Variants in CACNA2D3 observed in about 807,000 individuals in gnomAD.
The protein encoded by CACNA2D3 is calcium voltage-gated channel auxiliary subunit alpha2delta 3.
In CACNA2D3, 60 loss-of-function variants were observed where a neutral mutation model predicts 160.6. The observed-to-expected ratio is 0.37, with a 90% CI of 0.30 to 0.46. The LOEUF (loss-of-function observed/expected upper bound fraction) is 0.46, where lower values mean the gene tolerates loss of function less well. CACNA2D3 is among the 20% of genes least tolerant of loss of function. The pLI is 1.00. For synonymous variants in CACNA2D3, 558 were observed against 492.9 expected (o/e 1.13, Z -1.75); for missense variants, 1,205 against 1,365.0 (o/e 0.88, Z 1.85).
chr3:54,827,757 GCCTTCTTTACTC>G (rs1703778724), intron 14 of CACNA2D3, among the ~76,000 whole-genome samples: 1 of 152,148 alleles, frequency 6.6e-6, no homozygotes, highest in Non-Finnish European at 1.5e-5. Flanking sequence ...AATTTTCTCT[GCCTTCTTTACTC>G]CCTGGGCCTC....
At chr3:54,393,411 G>A (rs1189344726) in intron 4 of CACNA2D3, among the ~76,000 whole-genome samples, 1 of 152,174 alleles carries the variant, frequency 6.6e-6, no homozygotes, top group Non-Finnish European at 1.5e-5. Flanking sequence ...TGGAGTGTGT[G>A]TCTGGCTCTG....
chr3:54,537,472 C>T (rs868217316), intron 5 of CACNA2D3, among the ~76,000 whole-genome samples: 4 of 152,088 alleles, frequency 2.6e-5, no homozygotes, highest in Non-Finnish European at 5.9e-5. Context: ...TCAGTGAACA[C>T]TTACTATGGG....
At chr3:54,622,141 A>C (rs571994430) in intron 9 of CACNA2D3, among the ~76,000 whole-genome samples, 10 of 152,200 alleles carry the variant, frequency 6.6e-5, no homozygotes, top group South Asian at 2.1e-4. Context: ...CCCACTACTC[A>C]GGTGCTTTCC....
intron 4 of CACNA2D3, among the ~76,000 whole-genome samples, chr3:54,464,335 G>T (rs1366048723): frequency 6.6e-6 from 1 of 152,182 alleles, no homozygotes; most frequent in Non-Finnish European, 1.5e-5. Context: ...GTCTGCAGAG[G>T]TTACTGCTGT....
At chr3:54,918,379 G>T in intron 27 of CACNA2D3, 3 of 508,444 alleles carry the variant, frequency 5.9e-6, no homozygotes, top group South Asian at 4.3e-5. Flanking sequence ...AGCAAAATCA[G>T]ACTAACAGGA....
At chr3:54,500,919 C>G (rs1157653351) in intron 4 of CACNA2D3, among the ~76,000 whole-genome samples, 1 of 152,148 alleles carries the variant, frequency 6.6e-6, no homozygotes, top group African/African-American at 2.4e-5. Flanking sequence ...AATTTATTTT[C>G]TCACAGTTCT....
intron 2 of CACNA2D3, among the ~76,000 whole-genome samples, chr3:54,226,718 G>A (rs970405322): frequency 6.6e-6 from 1 of 152,106 alleles, no homozygotes; most frequent in Middle Eastern, 3.2e-3. Flanking sequence ...CGAAAGCTCT[G>A]TTCAGCTTCT....
chr3:54,588,426 A>G (rs187725958), intron 9 of CACNA2D3, among the ~76,000 whole-genome samples: 19 of 152,310 alleles, frequency 1.2e-4, no homozygotes, highest in African/African-American at 4.6e-4. Flanking sequence ...GGATGTCCAC[A>G]CTGACATTTG....
chr3:54,634,462 T>G (rs1440840806), intron 10 of CACNA2D3: 1 of 152,272 alleles, frequency 6.6e-6, no homozygotes, highest in Non-Finnish European at 1.5e-5. Flanking sequence ...CTTATTTACC[T>G]TGTTTTTGTA....
At chr3:54,829,145 A>C (rs922330456) in intron 14 of CACNA2D3, among the ~76,000 whole-genome samples, 1 of 152,230 alleles carries the variant, frequency 6.6e-6, no homozygotes, top group African/African-American at 2.4e-5. Context: ...GGCAGAATCA[A>C]TACTGTGGTC....
intron 2 of CACNA2D3, among the ~76,000 whole-genome samples, chr3:54,289,613 C>T (rs114041249): frequency 0.019 from 2,874 of 152,206 alleles, 90 homozygotes; most frequent in African/African-American, 0.065. Context: ...AATCCTACGC[C>T]GAAAGAACAA....
At chr3:54,380,454 G>A (rs183477349) in intron 3 of CACNA2D3, among the ~76,000 whole-genome samples, 21 of 152,310 alleles carry the variant, frequency 1.4e-4, no homozygotes, top group African/African-American at 5.1e-4. Context: ...TAAAACAAAA[G>A]CCAGCCGGGT....
intron 4 of CACNA2D3, among the ~76,000 whole-genome samples, chr3:54,439,728 A>AGGCTT (rs1264773236): frequency 3.3e-5 from 5 of 152,028 alleles, no homozygotes; most frequent in African/African-American, 9.7e-5. Context: ...GTCACAGAGG[A>AGGCTT]GGCTTGCCCT....
At chr3:54,178,997 A>AGTTGG (rs1271530135) in intron 2 of CACNA2D3, among the ~76,000 whole-genome samples, 1 of 151,960 alleles carries the variant, frequency 6.6e-6, no homozygotes, top group African/African-American at 2.4e-5. Context: ...TATTGATGTG[A>AGTTGG]GTTGGTGGCT....
intron 16 of CACNA2D3, among the ~76,000 whole-genome samples, chr3:54,844,896 C>A (rs1441390236): frequency 2.0e-5 from 3 of 152,162 alleles, no homozygotes; most frequent in East Asian, 3.9e-4. Flanking sequence ...TTTGAATTCC[C>A]AAATACAATT....
intron 27 of CACNA2D3, chr3:54,918,176 C>T: frequency 3.2e-6 from 1 of 315,472 alleles, no homozygotes; most frequent in South Asian, 5.3e-5. Flanking sequence ...GGCATCTTCC[C>T]TTTCTCTGTG....
chr3:54,729,569 A>G (rs1701345254), intron 11 of CACNA2D3, among the ~76,000 whole-genome samples: 1 of 152,338 alleles, frequency 6.6e-6, no homozygotes, highest in East Asian at 1.9e-4. Context: ...TTGTCGATGA[A>G]CTAGCACAGA....
At chr3:54,356,875 T>C (rs538387599) in intron 3 of CACNA2D3, among the ~76,000 whole-genome samples, 11 of 152,356 alleles carry the variant, frequency 7.2e-5, no homozygotes, top group African/African-American at 2.6e-4. Flanking sequence ...CTTCCTCATT[T>C]TAGCTTCTAT....
intron 9 of CACNA2D3, among the ~76,000 whole-genome samples, chr3:54,584,572 A>G (rs925299450): frequency 6.6e-6 from 1 of 152,186 alleles, no homozygotes; most frequent in African/African-American, 2.4e-5. Context: ...AATTACATCA[A>G]AGTCATAGGA....
Sources: allele counts gnomAD v4.1 joint callset (sites outside exome capture counted in the v4.1 genomes callset), GRCh38; gene constraint gnomAD v4.1.1; transcripts MANE v1.5; gene names NCBI Gene and HGNC (gene_info 2026-07-23, HGNC 2026-07-21).